The following DLEC1 variants were observed in gnomAD, a reference collection of about 807,000 sequenced individuals.
The protein encoded by DLEC1 is deleted in lung and esophageal cancer protein 1.
In DLEC1, 146 loss-of-function variants were observed where a neutral mutation model predicts 198.1. The ratio of observed to expected loss-of-function variants is 0.74; its 90% CI spans 0.64 to 0.85. DLEC1 has a LOEUF of 0.85. Among genes scored for constraint, DLEC1 ranks in the 40% least tolerant of loss-of-function variants. DLEC1 has a pLI of 0.00. For missense variants in DLEC1, 2,233 were observed against 2,220.0 expected (o/e 1.01, Z -0.12); for synonymous variants, 897 against 866.8 (o/e 1.03, Z -0.61).
intron 1 of DLEC1, among the ~76,000 whole-genome samples, chr3:38,043,425 A>G (rs1232140529): frequency 6.6e-6 from 1 of 152,250 alleles, no homozygotes; most frequent in Admixed American, 6.5e-5. Context: ...AGACCCAAAT[A>G]GTAAGACACA....
Position 38,050,072 on chromosome 3 carries a change from CT to C in DLEC1, c.562+4392del, listed in dbSNP as rs36026980. On this transcript the variant is annotated intron_variant, in intron 2 of 36. Coordinates refer to ENST00000308059, the MANE Select transcript of DLEC1 (RefSeq NM_007335.4). ...GAGTTTGAAAACAACTTCCAGATAA[CT>C]TTTTTTTTTTTTCAAGACAGGGTCT... 2.4e-3 allele frequency among the ~76,000 whole-genome samples: 352 copies of C among 145,714 alleles called. 2 individuals carry two copies. The highest frequency in any genetic ancestry group is 0.018 in the Middle Eastern group (5 of 280).
intron 1 of DLEC1, among the ~76,000 whole-genome samples, chr3:38,041,071 C>T (rs576255520): frequency 5.9e-5 from 9 of 152,106 alleles, no homozygotes; most frequent in South Asian, 4.1e-4. Flanking sequence ...GAGTGCATGG[C>T]GCAATCTCAG....
intron 18 of DLEC1, among the ~76,000 whole-genome samples, chr3:38,098,875 C>T (rs1001204882): frequency 9.2e-5 from 14 of 152,256 alleles, no homozygotes; most frequent in Non-Finnish European, 1.8e-4. Flanking sequence ...AAATTGCCAA[C>T]GCCATTGCCA....
chr3:38,116,577 T>C lies in DLEC1; in HGVS notation c.3981T>C (p.Pro1327=), dbSNP rs1575236172. ...RDQAGNELVC[P]DTPEGGCLLW... ...AAGCCGGGAATGAGCTTGTGTGCCC[T>C]GATACCCCTGAGGGTGGCTGCCTCC... is the stretch of plus-strand genomic sequence containing the variant. Residue 1327 remains proline, a synonymous_variant, in exon 28 of 37, where the codon CCT becomes CCC. Transcript: ENST00000308059. The C allele has an allele frequency of 6.2e-7, 1 of 1,614,116 alleles. No homozygotes were observed. The highest frequency in any genetic ancestry group is 8.5e-7 in the Non-Finnish European group (1 of 1,179,972).
intron 6 of DLEC1, among the ~76,000 whole-genome samples, chr3:38,081,900 C>G (rs1448977315): frequency 5.8e-4 from 86 of 148,402 alleles, no homozygotes; most frequent in African/African-American, 1.6e-3. Flanking sequence ...GGCTGACCCC[C>G]CCCCACCTCC....
Position 38,039,467 on chromosome 3 carries a change from G to T in DLEC1, c.242G>T (p.Arg81Leu). The change falls in exon 1 of 37, where the codon CGT becomes CTT. Residue 81 changes from arginine (R) to leucine (L), a missense_variant. Transcript: ENST00000308059. ...LAQRPEPQLL[R>L]LRPSSLRTQD... ...CAGCGTCCCGAGCCTCAGCTGCTTC[G>T]TCTGCGCCCCTCCTCGCTGCGCACC... The T allele has an allele frequency of 6.2e-7, 1 of 1,614,016 alleles. No individual in the cohort carries two copies. Among genetic ancestry groups the T allele is most frequent in the Non-Finnish European group, 8.5e-7 (1 of 1,179,896 alleles).
intron 6 of DLEC1, among the ~76,000 whole-genome samples, chr3:38,065,284 G>A (rs895405930): frequency 6.3e-4 from 96 of 152,320 alleles, no homozygotes; most frequent in Admixed American, 1.5e-3. Context: ...TCGAGATGGC[G>A]GCAGTACAGT....
In DLEC1 at chr3:38,123,240, T is replaced by C. The variant is rs1700579948; in HGVS notation, c.*828T>C. On this transcript the variant is annotated 3_prime_UTR_variant, in exon 37 of 37. Transcript: ENST00000308059. ...ATGCAAAACCATCAGACCAGATCTG[T>C]GGGCAAGCGGTACCCTGGCCTCCCA... 1 of 959,800 alleles carries C rather than the reference T, an allele frequency of 1.0e-6. No individual in the cohort carries two copies. The highest frequency in any genetic ancestry group is 1.6e-5 in the African/African-American group (1 of 62,362). 59.5% of individuals were successfully genotyped at this position (959,800 alleles called of 1,614,324 possible). A position where few individuals can be genotyped will look rare whatever the true frequency, so the allele number is the denominator to read the frequency against.
At position 38,045,654 on chromosome 3, in the gene DLEC1, G is replaced by A. The variant is rs767914514; in HGVS notation, c.523G>A (p.Gly175Arg). The change falls in exon 2 of 37, where the codon GGA (glycine) becomes AGA (arginine). Residue 175 changes from glycine to arginine, a missense_variant. By Grantham distance (125) the Gly-to-Arg change is moderately radical. Transcript: ENST00000308059. ...AENERVMSQAGVQDLESLVRL... is the reference protein window; with the variant it reads ...AENERVMSQARVQDLESLVRL... ...AAATGAGCGGGTCATGAGCCAGGCT[G>A]GAGTACAGGACCTCGAGAGCCTTGT... The A allele has an allele frequency of 1.2e-6, 2 of 1,614,022 alleles. No homozygotes were observed. Among genetic ancestry groups the A allele is most frequent in the East Asian group, 4.5e-5 (2 of 44,848 alleles).
chr3:38,080,822 T>A (rs1278204583), intron 6 of DLEC1, among the ~76,000 whole-genome samples: 83 of 138,880 alleles, frequency 6.0e-4, no homozygotes, highest in South Asian at 9.1e-4. Flanking sequence ...TTTTTTTTTT[T>A]AATTTATTTT....
chr3:38,121,502 C>G (rs1458216515), intron 34 of DLEC1, 126 bp from the exon 35 acceptor site: 1 of 1,283,550 alleles, frequency 7.8e-7, no homozygotes, highest in East Asian at 2.4e-5. Flanking sequence ...GGTCCCCTGC[C>G]AACTTCTGGG....
At chr3:38,069,312 G>A (rs1697191569) in intron 6 of DLEC1, among the ~76,000 whole-genome samples, 1 of 151,994 alleles carries the variant, frequency 6.6e-6, no homozygotes, top group African/African-American at 2.4e-5. Flanking sequence ...TGAAACATTC[G>A]AGCTATTCCC....
At position 38,084,500 on chromosome 3, in the gene DLEC1, A is replaced by AGTGGTG. The variant is rs1486404617; in HGVS notation, c.1261+260_1261+261insGGTGGT. Among the ~76,000 whole-genome samples, 4 of 32,892 alleles carry AGTGGTG rather than the reference A, an allele frequency of 1.2e-4. 1 individual carries two copies. The highest frequency in any genetic ancestry group is 9.3e-4 in the Admixed American group (3 of 3,220). The allele number at this position is 32,892 out of a possible 152,430, so 21.6% of individuals were successfully genotyped here. A position where few individuals can be genotyped will look rare whatever the true frequency, so the allele number is the denominator to read the frequency against. On this transcript the variant is annotated intron_variant, in intron 7 of 36. Transcript: ENST00000308059. ...TGGTGGTAGTAGTGGTGGTAGTAGTAGTGGTAGTAGTAGTAGTGGTAGTAG... is the reference window on the plus strand; with the variant it reads ...TGGTGGTAGTAGTGGTGGTAGTAGTAGTGGTGGTGGTAGTAGTAGTAGTGGTAGTAG...
At chr3:38,121,846 A>T in intron 35 of DLEC1, 65 bp downstream of exon 35, 1 of 1,578,538 alleles carries the variant, frequency 6.3e-7, no homozygotes, top group Non-Finnish European at 8.6e-7. Context: ...AAGACCCCCC[A>T]GGAAGGGGCC....
chr3:38,088,521 T>C (rs1027138329), intron 10 of DLEC1, 133 bp downstream of exon 10: 2 of 774,910 alleles, frequency 2.6e-6, no homozygotes, highest in Non-Finnish European at 4.2e-6. Context: ...CGCATATTCT[T>C]GCATTCTGTA....
At chr3:38,059,941 C>A in intron 3 of DLEC1, 89 bp downstream of exon 3, 1 of 1,077,466 alleles carries the variant, frequency 9.3e-7, no homozygotes, top group Non-Finnish European at 1.4e-6. Context: ...CATTTCCTTG[C>A]TCAGAGGTTT....
intron 10 of DLEC1, among the ~76,000 whole-genome samples, chr3:38,092,167 A>G (rs1390310895): frequency 6.6e-6 from 1 of 152,222 alleles, no homozygotes; most frequent in African/African-American, 2.4e-5. Flanking sequence ...GTGTCTATTG[A>G]TAGAGGATAA....
In DLEC1 at chr3:38,116,846, G is replaced by T. The variant is rs1262000861; in HGVS notation, c.4136G>T (p.Gly1379Val). ...LISVILQAHE[G>V]VPSGHLYCIS... ...TCAGTCATCCTGCAGGCACATGAGG[G>T]GGTGCCCTCCGGCCACCTGTACTGT... Residue 1379 changes from glycine to valine, a missense_variant, in exon 29 of 37, where the codon GGG (glycine) becomes GTG (valine). Transcript: ENST00000308059. 6.2e-7 allele frequency: 1 copy of T among 1,613,746 alleles called. No homozygotes were observed. Among genetic ancestry groups the T allele is most frequent in the Non-Finnish European group, 8.5e-7 (1 of 1,179,866 alleles).
Position 38,095,032 on chromosome 3 carries a change from C to A in DLEC1, c.2073C>A (p.His691Gln). The A allele has an allele frequency of 6.2e-7, 1 of 1,614,254 alleles. No homozygotes were observed. The highest frequency in any genetic ancestry group is 8.5e-7 in the Non-Finnish European group (1 of 1,180,044). Residue 691 changes from histidine to glutamine, a missense_variant, in exon 13 of 37, where the codon CAC becomes CAA. By Grantham distance (24) the His-to-Gln change is conservative. Transcript: ENST00000308059. The part of the protein sequence containing the change: ...IMPRKGVLSP[H>Q]TDHEFILSFS... ...CCAGAAAGGGGGTTCTAAGCCCCCA[C>A]ACAGACCACGAGTTCATCCTGAGCT...
Sources: gnomAD v4.1 joint callset for allele counts (sites outside exome capture counted in the v4.1 genomes callset) on GRCh38, gnomAD v4.1.1 for gene constraint, MANE v1.5 for transcripts, NCBI Gene and HGNC (gene_info 2026-07-23, HGNC 2026-07-21) for gene names.